Variants in ELOVL5 observed in about 807,000 individuals in gnomAD.
The protein encoded by ELOVL5 is very long chain fatty acid elongase 5.
In ELOVL5, 8 loss-of-function variants were observed where a neutral mutation model predicts 38.6. The observed-to-expected ratio is 0.21, with a 90% CI of 0.12 to 0.37. The LOEUF (loss-of-function observed/expected upper bound fraction) is 0.37, where lower values mean the gene tolerates loss of function less well. Ranked by LOEUF, ELOVL5 falls within the 10% of genes least tolerant of loss-of-function variation. The pLI, the probability that ELOVL5 is intolerant of heterozygous loss-of-function variation, is 1.00. For missense variants in ELOVL5, 280 were observed against 367.8 expected (o/e 0.76, Z 1.95); for synonymous variants, 127 against 133.7 (o/e 0.95, Z 0.34).
chr6:53,342,145 A>T (rs1205713024), intron 1 of ELOVL5, among the ~76,000 whole-genome samples: 1 of 152,158 alleles, frequency 6.6e-6, no homozygotes, highest in Non-Finnish European at 1.5e-5. Context: ...AAATTTTCAC[A>T]CAGATGCTTC....
intron 4 of ELOVL5, 38 bp downstream of exon 4, chr6:53,276,141 C>T: frequency 4.3e-6 from 6 of 1,402,380 alleles, no homozygotes; most frequent in South Asian, 2.4e-5. Flanking sequence ...AAAAACTCAA[C>T]ACTTATAATA....
intron 1 of ELOVL5, among the ~76,000 whole-genome samples, chr6:53,304,436 CTTTTA>C (rs61664888): frequency 0.43 from 64,414 of 150,670 alleles, 14,593 homozygotes; most frequent in African/African-American, 0.58. Context: ...ACACACACCT[CTTTTA>C]TTTTATTTTA....
intron 1 of ELOVL5, 98 bp from the exon 2 acceptor site, chr6:53,295,805 T>A (rs1581944236): frequency 1.3e-6 from 1 of 750,200 alleles, no homozygotes; most frequent in East Asian, 3.0e-5. Context: ...AAGAATATGC[T>A]ACAGACAAGG....
rs1286874094 is a variant in ELOVL5 at position 53,331,403 on chromosome 6, T to C, written c.-9+17414A>G. 2.6e-5 allele frequency among the ~76,000 whole-genome samples: 4 copies of C among 152,224 alleles called. No individual in the cohort carries two copies. The East Asian group carries it at 7.7e-4, about 29-fold the overall frequency. ...AAACCAGTAACATAGTTGTTTATTATCCCTATCAAGCACTGTATATGGTAC... is the reference window on the plus strand; with the variant it reads ...AAACCAGTAACATAGTTGTTTATTACCCCTATCAAGCACTGTATATGGTAC... On this transcript the variant is annotated intron_variant, in intron 1 of 7. Coordinates refer to ENST00000304434, the MANE Select transcript of ELOVL5 (RefSeq NM_021814.5).
chr6:53,315,681 A>T (rs1337708858), intron 1 of ELOVL5, among the ~76,000 whole-genome samples: 1 of 152,180 alleles, frequency 6.6e-6, no homozygotes, highest in Non-Finnish European at 1.5e-5. Flanking sequence ...GATTAAAGCA[A>T]AAGGGAAATT....
At chr6:53,283,977 T>C (rs1316255579) in intron 3 of ELOVL5, among the ~76,000 whole-genome samples, 2 of 151,156 alleles carry the variant, frequency 1.3e-5, no homozygotes, top group African/African-American at 2.4e-5. Flanking sequence ...TAAACACTGA[T>C]GGCAATAATG....
chr6:53,305,101 G>C (rs1162934390), intron 1 of ELOVL5, among the ~76,000 whole-genome samples: 1 of 149,498 alleles, frequency 6.7e-6, no homozygotes, highest in African/African-American at 2.5e-5. Flanking sequence ...CGCTGGGCAG[G>C]GGGCTGACCC....
chr6:53,283,659 A>C (rs1243148100), intron 3 of ELOVL5, among the ~76,000 whole-genome samples: 1 of 152,218 alleles, frequency 6.6e-6, no homozygotes, highest in Non-Finnish European at 1.5e-5. Context: ...AACAGATTAA[A>C]AACAAATGAA....
chr6:53,313,420 G>A (rs1402228309), intron 1 of ELOVL5, among the ~76,000 whole-genome samples: 1 of 152,094 alleles, frequency 6.6e-6, no homozygotes, highest in Non-Finnish European at 1.5e-5. Flanking sequence ...GAGTGCAGTG[G>A]CACAATGATG....
At chr6:53,319,290 AAAAAAAAAAAAAAAAAAAAAAAAAAAG>A (rs1768196084) in intron 1 of ELOVL5, among the ~76,000 whole-genome samples, 7 of 33,652 alleles carry the variant, frequency 2.1e-4, no homozygotes, top group African/African-American at 4.5e-4. Flanking sequence ...AAAAAAAAAA[AAAAAAAAAAAAAAAAAAAAAAAAAAAG>A]AAAGAAAGAA....
intron 2 of ELOVL5, among the ~76,000 whole-genome samples, chr6:53,292,986 G>C (rs1766832741): frequency 6.6e-6 from 1 of 152,142 alleles, no homozygotes; most frequent in South Asian, 2.1e-4. Flanking sequence ...GGAGGAGGGA[G>C]AGGGAAACAG....
At chr6:53,333,804 T>C (rs923176265) in intron 1 of ELOVL5, among the ~76,000 whole-genome samples, 10 of 152,188 alleles carry the variant, frequency 6.6e-5, no homozygotes, top group African/African-American at 1.4e-4. Context: ...CCCATATCTA[T>C]ATAGGATTTA....
At chr6:53,290,009 G>A (rs1766715667) in intron 3 of ELOVL5, 1 of 152,136 alleles carries the variant, frequency 6.6e-6, no homozygotes, top group South Asian at 2.1e-4. Flanking sequence ...TCCCTATTCT[G>A]TATATTTCTT....
At chr6:53,273,669 T>C (rs1766007899) in intron 5 of ELOVL5, among the ~76,000 whole-genome samples, 1 of 152,214 alleles carries the variant, frequency 6.6e-6, no homozygotes. Context: ...CAGCTGTTTT[T>C]CTTTACATGC....
At position 53,291,974 on chromosome 6, in the gene ELOVL5, A is replaced by T. The variant is rs777238691; in HGVS notation, c.59-11T>A. ...CTTTTACTCTAGTATCTGAAAAATT[A>T]AAAAAAATTAATGATATATAAAAAC... On this transcript the variant is annotated splice_polypyrimidine_tract_variant and intron_variant, in intron 2 of 7. Coordinates refer to ENST00000304434, the MANE Select transcript of ELOVL5 (RefSeq NM_021814.5). 35 of 1,418,650 alleles carry T rather than the reference A, an allele frequency of 2.5e-5. No individual in the cohort carries two copies. Among genetic ancestry groups the T allele is most frequent in the Non-Finnish European group, 3.2e-5 (34 of 1,053,912 alleles). 87.9% of individuals were successfully genotyped at this position (1,418,650 alleles called of 1,614,324 possible).
At chr6:53,280,768 T>A (rs1306165550) in intron 3 of ELOVL5, among the ~76,000 whole-genome samples, 1 of 152,132 alleles carries the variant, frequency 6.6e-6, no homozygotes, top group African/African-American at 2.4e-5. Context: ...AATTTTTATA[T>A]TTTTGTTGTA....
chr6:53,313,751 T>G (rs1173134655), intron 1 of ELOVL5, among the ~76,000 whole-genome samples: 3 of 152,172 alleles, frequency 2.0e-5, no homozygotes. Context: ...AAAAAAACTG[T>G]GCTTTCTTCC....
chr6:53,271,554 C>G (rs1306802777), intron 6 of ELOVL5, among the ~76,000 whole-genome samples: 1 of 151,790 alleles, frequency 6.6e-6, no homozygotes, highest in Non-Finnish European at 1.5e-5. Context: ...AGCTCAACCC[C>G]TGCCCCTCCC....
chr6:53,277,154 A>C lies in ELOVL5; in HGVS notation c.247-898T>G, dbSNP rs146352718. The stretch of plus-strand genomic sequence containing the variant: ...CAACACAGATTCCCCCCCAGGGAAC[A>C]AGAGGTGATTACAAGGATCTGAAGA... On this transcript the variant is annotated intron_variant, in intron 3 of 7. Transcript: ENST00000304434. 9.0e-3 allele frequency: 1,389 copies of C among 153,816 alleles called. 7 individuals carry two copies. The highest frequency in any genetic ancestry group is 0.013 in the Non-Finnish European group (862 of 67,876). 9.5% of individuals were successfully genotyped at this position (153,816 alleles called of 1,614,324 possible).
Sources: allele counts gnomAD v4.1 joint callset (sites outside exome capture counted in the v4.1 genomes callset), GRCh38; gene constraint gnomAD v4.1.1; transcripts MANE v1.5; gene names NCBI Gene and HGNC (gene_info 2026-07-23, HGNC 2026-07-21).